The following EEFSEC variants were observed in gnomAD, a reference collection of about 807,000 sequenced individuals.
EEFSEC encodes the protein selenocysteine-specific elongation factor.
EEFSEC carries 43 observed loss-of-function variants against 42.1 expected under a neutral mutation model. That is an observed-to-expected ratio of 1.02 (90% confidence interval 0.80 to 1.32). The LOEUF is 1.32. Among genes scored for constraint, EEFSEC ranks in the 40% most tolerant of loss-of-function variants. The pLI, the probability that EEFSEC is intolerant of heterozygous loss-of-function variation, is 0.00. For synonymous variants in EEFSEC, 354 were observed against 339.1 expected, an observed-to-expected ratio of 1.04 and a Z score of -0.48; for missense variants, 745 against 803.6, an observed-to-expected ratio of 0.93 and a Z score of 0.88.
intron 1 of EEFSEC, among the ~76,000 whole-genome samples, chr3:128,229,570 G>T (rs978199727): frequency 1.3e-5 from 2 of 152,188 alleles, no homozygotes; most frequent in African/African-American, 2.4e-5. Context: ...GGCCTAAAAG[G>T]CTAGATGTTT....
chr3:128,285,282 G>T (rs528251811), intron 4 of EEFSEC, among the ~76,000 whole-genome samples: 1 of 152,118 alleles, frequency 6.6e-6, no homozygotes, highest in African/African-American at 2.4e-5. Context: ...TGCCTCTGGC[G>T]TGGGAGCTAT....
At chr3:128,343,818 A>T (rs1044361254) in intron 5 of EEFSEC, among the ~76,000 whole-genome samples, 1 of 152,122 alleles carries the variant, frequency 6.6e-6, no homozygotes, top group Non-Finnish European at 1.5e-5. Flanking sequence ...CCTTCCACCA[A>T]CCTGGGGCCA....
intron 1 of EEFSEC, 146 bp downstream of exon 1, chr3:128,153,969 G>T: frequency 8.2e-7 from 1 of 1,224,296 alleles, no homozygotes; most frequent in South Asian, 1.7e-5. Flanking sequence ...AGGCGGACGT[G>T]ACTTGCCTAG....
downstream of EEFSEC, among the ~76,000 whole-genome samples, chr3:128,409,397 G>C (rs760009557): frequency 1.3e-4 from 20 of 152,022 alleles, 1 homozygote. Flanking sequence ...CCGTGTGCAC[G>C]TGGTGGGTGG....
rs80114069 is a variant in EEFSEC at position 128,263,676 on chromosome 3, G to C, written c.622-941G>C. 4.9e-4 allele frequency among the ~76,000 whole-genome samples: 74 copies of C among 152,292 alleles called. 2 individuals are homozygous for C. The East Asian group carries it at 0.01, about 21-fold the overall frequency. ...TTGTTATCACAAGACTAAGACTTTG[G>C]AACATTCACCACTGAATACTTTTTT... On this transcript the variant is annotated intron_variant, in intron 3 of 6. Transcript: ENST00000254730.
chr3:128,338,685 G>A (rs926288809), intron 4 of EEFSEC, among the ~76,000 whole-genome samples: 10 of 152,188 alleles, frequency 6.6e-5, no homozygotes, highest in African/African-American at 2.4e-4. Context: ...GGGAGAATGT[G>A]GGGCCGAAAA....
chr3:128,255,349 C>T (rs2066230959), intron 2 of EEFSEC, among the ~76,000 whole-genome samples: 1 of 152,174 alleles, frequency 6.6e-6, no homozygotes, highest in Admixed American at 6.5e-5. Flanking sequence ...TGGACAGTCA[C>T]CTGGTCAGAT....
chr3:128,202,031 T>C (rs1315233143), intron 1 of EEFSEC, among the ~76,000 whole-genome samples: 2 of 152,148 alleles, frequency 1.3e-5, no homozygotes, highest in Non-Finnish European at 2.9e-5. Flanking sequence ...CTGGACTCTA[T>C]TGTACTTTGA....
downstream of EEFSEC, among the ~76,000 whole-genome samples, chr3:128,411,733 G>A (rs931087132): frequency 3.3e-5 from 5 of 152,346 alleles, no homozygotes; most frequent in Admixed American, 6.5e-5. Context: ...CCCTGGAATC[G>A]AGACTCTGAT....
Position 128,303,256 on chromosome 3 carries a change from C to T in EEFSEC, c.787-37977C>T, listed in dbSNP as rs74451703. 4.0e-3 allele frequency among the ~76,000 whole-genome samples: 605 copies of T among 152,308 alleles called. 26 individuals carry two copies. The East Asian group carries it at 0.065, about 16-fold the overall frequency. ...TTGGGATTATAGGCATGACCCACTGCACCTGACCGCTTTGCATTTATAATG... is the reference window on the plus strand; with the variant it reads ...TTGGGATTATAGGCATGACCCACTGTACCTGACCGCTTTGCATTTATAATG... On this transcript the variant is annotated intron_variant, in intron 4 of 6. Transcript: ENST00000254730.
chr3:128,295,540 C>T (rs1382564798), intron 4 of EEFSEC, among the ~76,000 whole-genome samples: 1 of 134,248 alleles, frequency 7.4e-6, no homozygotes, highest in Non-Finnish European at 1.5e-5. Flanking sequence ...AATTCATTGC[C>T]ATTGGTTTGT....
At chr3:128,288,897 C>G (rs2066613931) in intron 4 of EEFSEC, among the ~76,000 whole-genome samples, 1 of 152,194 alleles carries the variant, frequency 6.6e-6, no homozygotes, top group South Asian at 2.1e-4. Flanking sequence ...TGCAGCTCCT[C>G]ATGGGTCCGT....
intron 1 of EEFSEC, among the ~76,000 whole-genome samples, chr3:128,195,717 A>G (rs1165569795): frequency 6.6e-6 from 1 of 152,194 alleles, no homozygotes; most frequent in African/African-American, 2.4e-5. Context: ...TTCCTATATA[A>G]TATCCTTGGA....
At chr3:128,270,600 T>G (rs1404389080) in intron 4 of EEFSEC, among the ~76,000 whole-genome samples, 1 of 152,260 alleles carries the variant, frequency 6.6e-6, no homozygotes, top group East Asian at 1.9e-4. Context: ...TACCTTTGCC[T>G]CTGCTCTTTG....
At chr3:128,265,107 A>G (rs1308296705) in intron 4 of EEFSEC, among the ~76,000 whole-genome samples, 1 of 152,136 alleles carries the variant, frequency 6.6e-6, no homozygotes, top group Non-Finnish European at 1.5e-5. Flanking sequence ...TTGAGATCAC[A>G]TGGTTAACAA....
chr3:128,289,099 T>C (rs1489482646), intron 4 of EEFSEC, among the ~76,000 whole-genome samples: 8 of 152,236 alleles, frequency 5.3e-5, no homozygotes, highest in Non-Finnish European at 1.0e-4. Context: ...TTTCAATTCA[T>C]GTCTGCACAT....
intron 4 of EEFSEC, among the ~76,000 whole-genome samples, chr3:128,269,225 G>T (rs985887845): frequency 6.6e-6 from 1 of 152,356 alleles, no homozygotes; most frequent in Non-Finnish European, 1.5e-5. Flanking sequence ...ACCCAGCCCT[G>T]GCCATGTGCC....
chr3:128,392,314 C>A (rs1200681035), intron 6 of EEFSEC, among the ~76,000 whole-genome samples: 2 of 152,240 alleles, frequency 1.3e-5, no homozygotes, highest in Non-Finnish European at 2.9e-5. Flanking sequence ...GCTGTGGGAA[C>A]TGACGCAAGT....
At chr3:128,185,339 T>C (rs933542853) in intron 1 of EEFSEC, among the ~76,000 whole-genome samples, 1 of 152,186 alleles carries the variant, frequency 6.6e-6, no homozygotes, top group African/African-American at 2.4e-5. Flanking sequence ...ACTTCATATA[T>C]ACCTTCTTTT....
Sources: gnomAD v4.1 joint callset for allele counts (sites outside exome capture counted in the v4.1 genomes callset) on GRCh38, gnomAD v4.1.1 for gene constraint, MANE v1.5 for transcripts, NCBI Gene and HGNC (gene_info 2026-07-23, HGNC 2026-07-21) for gene names.